SLC24A2: variants seen among roughly 807,000 people sequenced by gnomAD.
SLC24A2 encodes the protein solute carrier family 24 member 2, also known as sodium/potassium/calcium exchanger 2.
A neutral mutation model predicts 62.0 loss-of-function variants in SLC24A2; 36 were observed. The observed-to-expected ratio is 0.58, with a 90% confidence interval of 0.44 to 0.77. The LOEUF is 0.77. Among genes scored for constraint, SLC24A2 ranks in the 30% least tolerant of loss-of-function variants. The pLI is 0.00. For missense variants in SLC24A2, 846 were observed against 817.9 expected, an observed-to-expected ratio of 1.03 and a Z score of -0.42; for synonymous variants, 358 against 294.0, an observed-to-expected ratio of 1.22 and a Z score of -2.23.
chr9:20,215,653 G>A, the SLC24A2 span, among the ~76,000 whole-genome samples: 1 of 151,824 alleles, frequency 6.6e-6, no homozygotes, highest in African/African-American at 2.4e-5. Context: ...CTTTTTTCTT[G>A]TACTATTTCT....
the SLC24A2 span, among the ~76,000 whole-genome samples, chr9:19,862,971 C>T: frequency 2.0e-5 from 3 of 151,744 alleles, no homozygotes; most frequent in Admixed American, 2.0e-4. Flanking sequence ...AAATAAATAA[C>T]AATATGACAG....
At chr9:19,525,369 G>GT (rs200126371) in intron 9 of SLC24A2, among the ~76,000 whole-genome samples, 1,470 of 112,028 alleles carry the variant, frequency 0.013, 29 homozygotes, top group African/African-American at 0.045. Flanking sequence ...GTTCTGCAAG[G>GT]TTTTTTTTTC....
At chr9:20,302,041 A>C in the SLC24A2 span, among the ~76,000 whole-genome samples, 1 of 152,170 alleles carries the variant, frequency 6.6e-6, no homozygotes, top group African/African-American at 2.4e-5. Flanking sequence ...AGTAATATGC[A>C]TTTAAGTTTC....
At chr9:19,594,710 C>T (rs955913456) in intron 5 of SLC24A2, among the ~76,000 whole-genome samples, 2 of 152,200 alleles carry the variant, frequency 1.3e-5, no homozygotes, top group Non-Finnish European at 2.9e-5. Context: ...ACAGTTATTG[C>T]CCCAAACATC....
At chr9:19,742,411 G>A (rs1254700350) in intron 2 of SLC24A2, among the ~76,000 whole-genome samples, 1 of 152,140 alleles carries the variant, frequency 6.6e-6, no homozygotes, top group Non-Finnish European at 1.5e-5. Context: ...GTGAAGACCA[G>A]AAATAAGACC....
the SLC24A2 span, among the ~76,000 whole-genome samples, chr9:20,267,858 G>C: frequency 6.6e-6 from 1 of 152,150 alleles, no homozygotes; most frequent in Non-Finnish European, 1.5e-5. Context: ...AATCGTGTAA[G>C]GAGTGAATGA....
At chr9:19,550,113 C>A (rs374212191) in intron 8 of SLC24A2, 24 bp downstream of exon 8, 37 of 1,611,102 alleles carry the variant, frequency 2.3e-5, no homozygotes, top group Middle Eastern at 3.3e-4. Flanking sequence ...TACAAGGGAA[C>A]TATTTTTAAA....
chr9:19,541,808 G>C (rs1400634099), intron 8 of SLC24A2, among the ~76,000 whole-genome samples: 2 of 148,808 alleles, frequency 1.3e-5, no homozygotes, highest in East Asian at 4.0e-4. Flanking sequence ...CCCCAGCCTC[G>C]TTGCCGCCTT....
chr9:19,862,860 G>T, the SLC24A2 span, among the ~76,000 whole-genome samples: 17 of 151,610 alleles, frequency 1.1e-4, 1 homozygote, highest in Admixed American at 1.1e-3. Flanking sequence ...AAAATAAAAA[G>T]CAAGAAATTA....
the SLC24A2 span, among the ~76,000 whole-genome samples, chr9:20,197,410 G>A: frequency 7.2e-6 from 1 of 139,598 alleles, no homozygotes; most frequent in East Asian, 2.2e-4. Context: ...TTGGGATGAT[G>A]TATTTTCTCT....
chr9:19,920,141 G>C, the SLC24A2 span, among the ~76,000 whole-genome samples: 3 of 151,810 alleles, frequency 2.0e-5, no homozygotes, highest in African/African-American at 7.3e-5. Flanking sequence ...TCCTTTTTTT[G>C]AAGTTTCTGC....
rs372400692 is a variant in SLC24A2, at chr9:19,731,109, G to T, written c.930+54828C>A. 2.0e-5 allele frequency among the ~76,000 whole-genome samples: 3 copies of T among 152,188 alleles called. No individual in the cohort carries two copies. The East Asian group carries it at 5.8e-4, about 29-fold the overall frequency. ...TAAGGCAGCTGATAAATCAAGTTTAGCAATTCTTCTCATTTATATATTGTC... is the reference window on the plus strand; with the variant it reads ...TAAGGCAGCTGATAAATCAAGTTTATCAATTCTTCTCATTTATATATTGTC... On this transcript the variant is annotated intron_variant, in intron 2 of 10. Coordinates refer to ENST00000341998, the MANE Select transcript of SLC24A2 (RefSeq NM_020344.4).
At chr9:19,758,498 T>C (rs1822213210) in intron 2 of SLC24A2, among the ~76,000 whole-genome samples, 1 of 152,180 alleles carries the variant, frequency 6.6e-6, no homozygotes, top group Admixed American at 6.6e-5. Context: ...AATTCTGAAC[T>C]TTCCTTATTT....
At chr9:19,765,303 G>T (rs1041790188) in intron 2 of SLC24A2, among the ~76,000 whole-genome samples, 1 of 150,918 alleles carries the variant, frequency 6.6e-6, no homozygotes, top group Admixed American at 6.6e-5. Flanking sequence ...TACATTTAAG[G>T]TTAATATTGT....
intron 8 of SLC24A2, among the ~76,000 whole-genome samples, chr9:19,535,402 G>A (rs912496138): frequency 2.2e-4 from 33 of 152,192 alleles, no homozygotes; most frequent in South Asian, 6.2e-4. Flanking sequence ...ATTGCTTTTC[G>A]TGTTTTAGAC....
the SLC24A2 span, among the ~76,000 whole-genome samples, chr9:20,216,243 C>T: frequency 6.6e-6 from 1 of 152,154 alleles, no homozygotes; most frequent in Non-Finnish European, 1.5e-5. Flanking sequence ...ATGTGTGCTG[C>T]ATTAGAGAAA....
chr9:20,251,983 T>C, the SLC24A2 span, among the ~76,000 whole-genome samples: 1 of 152,182 alleles, frequency 6.6e-6, no homozygotes, highest in Admixed American at 6.5e-5. Flanking sequence ...CTTTGCCACA[T>C]GCTTCACTGG....
the SLC24A2 span, among the ~76,000 whole-genome samples, chr9:20,107,761 T>G: frequency 6.6e-6 from 1 of 151,960 alleles, no homozygotes; most frequent in Non-Finnish European, 1.5e-5. Flanking sequence ...AACCTAGGCA[T>G]TACCATTCAG....
chr9:20,258,778 ATC>A, the SLC24A2 span, among the ~76,000 whole-genome samples: 1 of 129,348 alleles, frequency 7.7e-6, no homozygotes, highest in Non-Finnish European at 1.5e-5. Flanking sequence ...CTATCTATCT[ATC>A]TATCTATCTA....
Sources: gnomAD v4.1 joint callset for allele counts (sites outside exome capture counted in the v4.1 genomes callset) on GRCh38, gnomAD v4.1.1 for gene constraint, MANE v1.5 for transcripts, NCBI Gene and HGNC (gene_info 2026-07-23, HGNC 2026-07-21) for gene names.